Variants in SLC7A11 observed in about 807,000 individuals in gnomAD.
The protein encoded by SLC7A11 is cystine/glutamate transporter.
Under a neutral mutation model 54.5 loss-of-function variants are expected in SLC7A11, and 35 were observed. The observed-to-expected ratio is 0.64, with a 90% confidence interval of 0.49 to 0.85. The LOEUF (loss-of-function observed/expected upper bound fraction) is 0.85. SLC7A11 is among the 40% of genes least tolerant of loss of function. The pLI, the probability that SLC7A11 is intolerant of heterozygous loss-of-function variation, is 0.00. For synonymous variants in SLC7A11, 230 were observed against 225.2 expected, an observed-to-expected ratio of 1.02 and a Z score of -0.19; for missense variants, 583 against 618.1, an observed-to-expected ratio of 0.94 and a Z score of 0.60.
Position 138,172,001 on chromosome 4 carries a change from T to A in SLC7A11, c.1461A>T (p.Thr487=). 1 of 1,596,400 alleles carries A rather than the reference T, an allele frequency of 6.3e-7. No individual in the cohort carries two copies. The highest frequency in any genetic ancestry group is 8.5e-7 in the Non-Finnish European group (1 of 1,174,208). The change falls in exon 12 of 12, where the codon ACA becomes ACT. Residue 487 remains threonine, a synonymous_variant. Coordinates refer to ENST00000280612, the MANE Select transcript of SLC7A11 (RefSeq NM_014331.4). ...GTACAACTTCCAGTATTATTTGTAA[T>A]GTTCTGGTTATTTTCTCTACAAAGA... ...FRIMSEKITR[T]LQIILEVVPE... is the part of the protein sequence containing the mutation.
chr4:138,229,689 C>A (rs968326345), intron 3 of SLC7A11, among the ~76,000 whole-genome samples: 1 of 152,078 alleles, frequency 6.6e-6, no homozygotes, highest in East Asian at 1.9e-4. Context: ...CTCAGAGATA[C>A]GAATTTTCCC....
In SLC7A11 at chr4:138,214,566, G is replaced by A; in HGVS notation, c.791+19C>T. On this transcript the variant is annotated intron_variant, in intron 6 of 11. Transcript: ENST00000280612. Reference sequence around the variant, plus strand: ...ATTTTATTCTTCATAAAAATTTCAGGGTACATCTGGCTACTTACTTTTCAG... The same window carrying A: ...ATTTTATTCTTCATAAAAATTTCAGAGTACATCTGGCTACTTACTTTTCAG... 7.0e-7 allele frequency: 1 copy of A among 1,420,160 alleles called. No individual in the cohort carries two copies. The allele number at this position is 1,420,160 out of a possible 1,614,324, so 88.0% of individuals were successfully genotyped here. A position where few individuals can be genotyped will look rare whatever the true frequency, so the allele number is the denominator to read the frequency against.
rs540375078 is a variant in SLC7A11 at position 138,186,040 on chromosome 4, T to C, written c.792-796A>G. Among the ~76,000 whole-genome samples, 33 of 152,192 alleles carry C rather than the reference T, an allele frequency of 2.2e-4. No homozygotes were observed. In the South Asian group the frequency reaches 6.4e-3, roughly 30 times the overall value. On this transcript the variant is annotated intron_variant, in intron 6 of 11. Coordinates refer to ENST00000280612, the MANE Select transcript of SLC7A11 (RefSeq NM_014331.4). ...TACGGACGACCGGACAGTGCTGACA[T>C]TATGTGGCATCAAGAAGTACCCGAC...
chr4:138,233,265 A>G (rs1318256157), intron 2 of SLC7A11, among the ~76,000 whole-genome samples: 1 of 151,410 alleles, frequency 6.6e-6, no homozygotes, highest in Non-Finnish European at 1.5e-5. Flanking sequence ...GCTCACTGCA[A>G]CCTCCGCCTC....
At chr4:138,211,965 T>C (rs1442613010) in intron 6 of SLC7A11, among the ~76,000 whole-genome samples, 2 of 151,872 alleles carry the variant, frequency 1.3e-5, no homozygotes, top group Non-Finnish European at 2.9e-5. Context: ...TTCAGTGGCA[T>C]AGTAAAGTAA....
intron 3 of SLC7A11, among the ~76,000 whole-genome samples, chr4:138,228,598 A>C (rs1272229023): frequency 6.6e-6 from 1 of 151,944 alleles, no homozygotes; most frequent in East Asian, 1.9e-4. Context: ...CTCTACTAAA[A>C]ATACAAAAAA....
At chr4:138,174,292 G>A (rs904806599) in intron 11 of SLC7A11, among the ~76,000 whole-genome samples, 3 of 152,176 alleles carry the variant, frequency 2.0e-5, no homozygotes, top group Non-Finnish European at 4.4e-5. Context: ...CTTCCCTAAT[G>A]TGTCATTCTC....
intron 6 of SLC7A11, among the ~76,000 whole-genome samples, chr4:138,195,435 C>T (rs1437114935): frequency 6.6e-6 from 1 of 152,082 alleles, no homozygotes; most frequent in Non-Finnish European, 1.5e-5. Context: ...ATATGCTAGA[C>T]ATTATAATAA....
chr4:138,187,070 A>G (rs1235032430), intron 6 of SLC7A11, among the ~76,000 whole-genome samples: 2 of 152,188 alleles, frequency 1.3e-5, no homozygotes, highest in Admixed American at 6.6e-5. Context: ...GTCACATCAC[A>G]TGATGCTGCA....
rs1419577119 is a variant in SLC7A11, at chr4:138,236,432, T to C, written c.297A>G (p.Glu99=). Residue 99 remains glutamate, a synonymous_variant, in exon 2 of 12, where the codon GAA becomes GAG. Coordinates refer to ENST00000280612, the MANE Select transcript of SLC7A11 (RefSeq NM_014331.4). ...CAGATTTCTTTATAGTTGTTCCCAA[T>C]TCAGCATAAGACAAAGCTCCTGTGA... ...LSLFGALSYA[E]LGTTIKKSGG... 12 of 1,610,060 alleles carry C rather than the reference T, an allele frequency of 7.5e-6. No individual in the cohort carries two copies. Among genetic ancestry groups the C allele is most frequent in the Non-Finnish European group, 1.0e-5 (12 of 1,178,848 alleles).
In SLC7A11 at chr4:138,237,710, TATATATATATATATATATATATA is replaced by T. The variant is rs1560742392; in HGVS notation, c.278-1282_278-1260del. Among the ~76,000 whole-genome samples the T allele has an allele frequency of 3.5e-4, 2 of 5,656 alleles. 1 individual carries two copies. The highest frequency in any genetic ancestry group is 0.01 in the East Asian group (2 of 200). The allele number at this position is 5,656 out of a possible 152,430, so 3.7% of individuals were successfully genotyped here. ...ACTGCGCCTAGCCAGAATATATATA[TATATATATATATATATATATATA>T]TATATTTTTTTTTTTTTTTTTTTTT... On this transcript the variant is annotated intron_variant, in intron 1 of 11. Coordinates refer to ENST00000280612, the MANE Select transcript of SLC7A11 (RefSeq NM_014331.4).
At chr4:138,215,358 CA>C (rs1219015298) in intron 5 of SLC7A11, among the ~76,000 whole-genome samples, 4 of 152,084 alleles carry the variant, frequency 2.6e-5, no homozygotes, top group Non-Finnish European at 4.4e-5. Context: ...AATCGAAAAT[CA>C]AGTGGCTGGA....
intron 11 of SLC7A11, among the ~76,000 whole-genome samples, chr4:138,178,617 T>C (rs10023744): frequency 0.89 from 135,355 of 152,092 alleles, 61,388 homozygotes; most frequent in East Asian, 0.99. Context: ...TGTATACCTA[T>C]GTAACAAACC....
At chr4:138,198,639 A>G (rs4346698) in intron 6 of SLC7A11, among the ~76,000 whole-genome samples, 62,324 of 152,018 alleles carry the variant, frequency 0.41, 13,686 homozygotes, top group Middle Eastern at 0.6. Flanking sequence ...TAGACAGACC[A>G]TTTTAAAGTT....
chr4:138,200,045 T>C lies in SLC7A11; in HGVS notation c.791+14540A>G, dbSNP rs573267878. ...CCTTAAAATCATGACCTCCACTTGC[T>C]GTCTATCTCCCTCGTTTCTTTTTGT... On this transcript the variant is annotated intron_variant, in intron 6 of 11. Transcript: ENST00000280612. 5.0e-3 allele frequency among the ~76,000 whole-genome samples: 757 copies of C among 152,272 alleles called. 5 individuals carry two copies. The highest frequency in any genetic ancestry group is 8.3e-3 in the Non-Finnish European group (561 of 68,000).
In SLC7A11 at chr4:138,186,143, T is replaced by G. The variant is rs144315252; in HGVS notation, c.792-899A>C. On this transcript the variant is annotated intron_variant, in intron 6 of 11. Coordinates refer to ENST00000280612, the MANE Select transcript of SLC7A11 (RefSeq NM_014331.4). ...CTGACCCTAATAATTTGATTCCACG[T>G]TACCAATACACATTACTTGCTTAAC... Among the ~76,000 whole-genome samples the G allele has an allele frequency of 1.6e-4, 25 of 152,272 alleles. No individual in the cohort carries two copies. The East Asian group carries it at 4.2e-3, about 26-fold the overall frequency.
At chr4:138,228,833 A>G (rs1828730) in intron 3 of SLC7A11, among the ~76,000 whole-genome samples, 146,941 of 150,650 alleles carry the variant, frequency 0.98, 71,755 homozygotes, top group East Asian at 1. Flanking sequence ...AGCCAAATGC[A>G]AATCTATAAG....
Position 138,170,818 on chromosome 4 carries a change from TC to T in SLC7A11, c.*1137del, listed in dbSNP as rs1424008183. On this transcript the variant is annotated 3_prime_UTR_variant, in exon 12 of 12. Transcript: ENST00000280612. ...TGTAAATCTTATTTACAGCGACATT[TC>T]TTTTGCAATTTTTATGTTAATATAT... The T allele has an allele frequency of 6.6e-6, 1 of 152,194 alleles. No individual in the cohort carries two copies. The highest frequency in any genetic ancestry group is 1.5e-5 in the Non-Finnish European group (1 of 68,034). 9.4% of individuals were successfully genotyped at this position (152,194 alleles called of 1,614,324 possible). A position where few individuals can be genotyped will look rare whatever the true frequency, so the allele number is the denominator to read the frequency against.
chr4:138,196,993 C>T (rs927664651), intron 6 of SLC7A11, among the ~76,000 whole-genome samples: 6 of 152,136 alleles, frequency 3.9e-5, no homozygotes, highest in Non-Finnish European at 7.4e-5. Flanking sequence ...TAGCAAACCT[C>T]TAATAAGAAT....
Sources: gnomAD v4.1 joint callset for allele counts (sites outside exome capture counted in the v4.1 genomes callset) on GRCh38, gnomAD v4.1.1 for gene constraint, MANE v1.5 for transcripts, NCBI Gene and HGNC (gene_info 2026-07-23, HGNC 2026-07-21) for gene names.